Variants in UVRAG observed in about 807,000 individuals in gnomAD.
UVRAG encodes UV radiation resistance-associated gene protein.
Under a neutral mutation model 78.0 loss-of-function variants are expected in UVRAG, and 19 were observed. The ratio of observed to expected loss-of-function variants is 0.24; its 90% confidence interval spans 0.17 to 0.36. The LOEUF (loss-of-function observed/expected upper bound fraction) is 0.36. Ranked by LOEUF, UVRAG falls within the 10% of genes least tolerant of loss-of-function variation. UVRAG has a pLI of 1.00. For synonymous variants in UVRAG, 323 were observed against 324.6 expected, an observed-to-expected ratio of 1.00 and a Z score of 0.05; for missense variants, 740 against 853.8, an observed-to-expected ratio of 0.87 and a Z score of 1.66.
chr11:76,077,652 A>T (rs1951427386), intron 13 of UVRAG, among the ~76,000 whole-genome samples: 1 of 152,202 alleles, frequency 6.6e-6, no homozygotes, highest in African/African-American at 2.4e-5. Context: ...TTACATTTAG[A>T]TAAACTGAGC....
intron 3 of UVRAG, among the ~76,000 whole-genome samples, chr11:75,872,314 A>G (rs1219291248): frequency 6.6e-6 from 1 of 151,890 alleles, no homozygotes; most frequent in Non-Finnish European, 1.5e-5. Context: ...TGCCTGGGAC[A>G]TAAGGCTCCA....
intron 2 of UVRAG, among the ~76,000 whole-genome samples, chr11:75,858,720 C>G (rs1033966241): frequency 6.6e-6 from 1 of 152,148 alleles, no homozygotes; most frequent in Non-Finnish European, 1.5e-5. Flanking sequence ...TGTGTGAGTG[C>G]TTTTCTCCCC....
At chr11:75,887,514 C>T (rs1422003099) in intron 4 of UVRAG, among the ~76,000 whole-genome samples, 1 of 146,280 alleles carries the variant, frequency 6.8e-6, no homozygotes, top group South Asian at 2.2e-4. Flanking sequence ...GTGGCACAAT[C>T]TCGGCTCTCT....
intron 7 of UVRAG, among the ~76,000 whole-genome samples, chr11:75,972,654 C>T (rs905424918): frequency 3.3e-5 from 5 of 152,222 alleles, no homozygotes; most frequent in African/African-American, 1.2e-4. Flanking sequence ...GTCTTGATTA[C>T]TATAGCTTAT....
intron 1 of UVRAG, among the ~76,000 whole-genome samples, chr11:75,837,826 T>C (rs569960479): frequency 6.6e-6 from 1 of 152,356 alleles, no homozygotes; most frequent in East Asian, 1.9e-4. Flanking sequence ...AACCAAATTA[T>C]TTCAGCATTT....
At chr11:76,013,911 G>T (rs1417536603) in intron 11 of UVRAG, among the ~76,000 whole-genome samples, 1 of 152,238 alleles carries the variant, frequency 6.6e-6, no homozygotes, top group Non-Finnish European at 1.5e-5. Flanking sequence ...CACTGAGTCT[G>T]TGATGGAGCA....
At chr11:76,024,233 C>T (rs542135390) in intron 12 of UVRAG, among the ~76,000 whole-genome samples, 10 of 152,292 alleles carry the variant, frequency 6.6e-5, no homozygotes, top group South Asian at 2.1e-4. Context: ...ATCAGTTGCA[C>T]ACTTTAATTT....
At chr11:76,000,517 A>C (rs554462492) in intron 8 of UVRAG, among the ~76,000 whole-genome samples, 3 of 152,238 alleles carry the variant, frequency 2.0e-5, no homozygotes, top group Middle Eastern at 3.4e-3. Context: ...CTGAGACAGG[A>C]GGATTGCTTG....
Position 76,141,002 on chromosome 11 carries a change from A to T in UVRAG, c.1689A>T (p.Lys563Asn), listed in dbSNP as rs1477691829. The change falls in exon 15 of 15, where the codon AAA (lysine) becomes AAT (asparagine). Residue 563 changes from lysine (K) to asparagine (N), a missense_variant. By Grantham distance (94) the Lys-to-Asn change is moderately conservative (BLOSUM62 0). Coordinates refer to ENST00000356136, the MANE Select transcript of UVRAG (RefSeq NM_003369.4). The part of the protein sequence containing the change: ...TSLDFSKENK[K>N]KGEDLVGSLN... ...TGGACTTCTCCAAAGAAAACAAGAA[A>T]AAAGGAGAGGATCTAGTTGGCAGCT... 23 of 1,614,194 alleles carry T rather than the reference A, an allele frequency of 1.4e-5. No homozygotes were observed. The highest frequency in any genetic ancestry group is 2.2e-5 in the East Asian group (1 of 44,888).
chr11:75,983,736 C>G, intron 8 of UVRAG: 1 of 471,948 alleles, frequency 2.1e-6, no homozygotes, highest in Non-Finnish European at 3.5e-6. Context: ...TACTACACAC[C>G]TAGGCTATAT....
intron 1 of UVRAG, among the ~76,000 whole-genome samples, chr11:75,841,657 A>G (rs115902002): frequency 0.011 from 1,602 of 152,260 alleles, 30 homozygotes; most frequent in African/African-American, 0.036. Flanking sequence ...CAATTTTATG[A>G]CTTGTGAAAT....
intron 13 of UVRAG, among the ~76,000 whole-genome samples, chr11:76,097,841 G>A (rs1951812803): frequency 6.6e-6 from 1 of 152,042 alleles, no homozygotes; most frequent in South Asian, 2.1e-4. Flanking sequence ...ACATATATAT[G>A]GATGAACTTA....
intron 6 of UVRAG, among the ~76,000 whole-genome samples, chr11:75,954,966 T>C (rs1948766957): frequency 1.3e-5 from 2 of 152,168 alleles, no homozygotes. Context: ...GGGAAGAACT[T>C]GTAGGCACAT....
At chr11:76,125,228 G>A (rs1952362421) in intron 14 of UVRAG, among the ~76,000 whole-genome samples, 1 of 152,170 alleles carries the variant, frequency 6.6e-6, no homozygotes, top group African/African-American at 2.4e-5. Context: ...GCCTTTGAGA[G>A]CATTTCTTGC....
intron 1 of UVRAG, among the ~76,000 whole-genome samples, chr11:75,824,535 G>A (rs1178285588): frequency 6.6e-6 from 1 of 151,758 alleles, no homozygotes; most frequent in African/African-American, 2.4e-5. Context: ...AAACTAATAA[G>A]TTGGGCCTGA....
chr11:76,038,873 C>T (rs1322123959), intron 12 of UVRAG, among the ~76,000 whole-genome samples: 1 of 152,148 alleles, frequency 6.6e-6, no homozygotes, highest in African/African-American at 2.4e-5. Flanking sequence ...TCAGCCCTAC[C>T]ACCACAAGGA....
chr11:75,993,245 A>G (rs1045817394), intron 8 of UVRAG, among the ~76,000 whole-genome samples: 1 of 152,168 alleles, frequency 6.6e-6, no homozygotes, highest in African/African-American at 2.4e-5. Flanking sequence ...GATTTATTGG[A>G]AAGTGCCAAA....
At chr11:75,966,124 G>GT (rs1035191943) in intron 7 of UVRAG, among the ~76,000 whole-genome samples, 1 of 151,880 alleles carries the variant, frequency 6.6e-6, no homozygotes, top group Non-Finnish European at 1.5e-5. Flanking sequence ...TGATCATATG[G>GT]TTTTTTCTTT....
intron 13 of UVRAG, among the ~76,000 whole-genome samples, chr11:76,105,425 A>C (rs186190946): frequency 1.2e-3 from 175 of 152,062 alleles, no homozygotes; most frequent in Non-Finnish European, 1.6e-3. Flanking sequence ...AAAGCTCAAT[A>C]TTATTAGTCA....
Sources: allele counts gnomAD v4.1 joint callset (sites outside exome capture counted in the v4.1 genomes callset), GRCh38; gene constraint gnomAD v4.1.1; transcripts MANE v1.5; gene names NCBI Gene and HGNC (gene_info 2026-07-23, HGNC 2026-07-21).